The following NRG3 variants were observed in gnomAD, a reference collection of about 807,000 sequenced individuals.
NRG3 encodes pro-neuregulin-3, membrane-bound isoform.
NRG3 carries 31 observed loss-of-function variants against 66.9 expected under a neutral mutation model. That is an observed-to-expected ratio of 0.46 (90% CI 0.35 to 0.63). The LOEUF is 0.63. Ranked by LOEUF, NRG3 falls within the 20% of genes least tolerant of loss-of-function variation. The pLI, the probability that NRG3 is intolerant of heterozygous loss-of-function variation, is 0.00. For synonymous variants in NRG3, 393 were observed against 359.4 expected (o/e 1.09, Z -1.06); for missense variants, 910 against 878.9 (o/e 1.04, Z -0.45).
At chr10:82,030,625 A>G (rs1333546159) in intron 1 of NRG3, among the ~76,000 whole-genome samples, 1 of 151,874 alleles carries the variant, frequency 6.6e-6, no homozygotes, top group Non-Finnish European at 1.5e-5. Flanking sequence ...AATGGAGGAT[A>G]TGATCAAGAC....
chr10:82,479,867 C>T (rs1164922038), intron 2 of NRG3, among the ~76,000 whole-genome samples: 1 of 152,088 alleles, frequency 6.6e-6, no homozygotes, highest in East Asian at 1.9e-4. Context: ...ACTTGGAAGG[C>T]TGAGGCAGGA....
rs190346010 is a variant in NRG3 at position 82,514,005 on chromosome 10, C to T, written c.953+155137C>T. Among the ~76,000 whole-genome samples, 176 of 152,174 alleles carry T rather than the reference C, an allele frequency of 1.2e-3. 1 individual carries two copies. Among genetic ancestry groups the T allele is most frequent in the African/African-American group, 4.0e-3 (165 of 41,528 alleles). On this transcript the variant is annotated intron_variant, in intron 2 of 8. Transcript: ENST00000372141. Reference sequence around the variant, plus strand: ...TGTCTTCTTTTGAGAAGTGTCTGTTCATGTCCTTTGCCCACTTTTTAAATG... The same window carrying T: ...TGTCTTCTTTTGAGAAGTGTCTGTTTATGTCCTTTGCCCACTTTTTAAATG...
At chr10:81,973,590 G>C (rs1251663383) in intron 1 of NRG3, among the ~76,000 whole-genome samples, 1 of 151,972 alleles carries the variant, frequency 6.6e-6, no homozygotes, top group Non-Finnish European at 1.5e-5. Context: ...TGACTTTTTA[G>C]TAATAACCAT....
intron 2 of NRG3, among the ~76,000 whole-genome samples, chr10:82,467,500 T>C (rs1321283358): frequency 6.6e-6 from 1 of 152,160 alleles, no homozygotes; most frequent in African/African-American, 2.4e-5. Context: ...GAAGGAAGGA[T>C]TTTGAATCCT....
At chr10:82,093,117 T>C (rs1263439515) in intron 1 of NRG3, among the ~76,000 whole-genome samples, 3 of 152,184 alleles carry the variant, frequency 2.0e-5, no homozygotes, top group African/African-American at 7.2e-5. Context: ...CCAGGCAGCA[T>C]GCTTTACCTA....
chr10:81,964,649 C>G (rs1025849550), intron 1 of NRG3, among the ~76,000 whole-genome samples: 1 of 152,134 alleles, frequency 6.6e-6, no homozygotes, highest in Non-Finnish European at 1.5e-5. Context: ...AGACAGTGTG[C>G]ATGCCCTTAT....
At chr10:82,109,316 A>G (rs533128398) in intron 1 of NRG3, among the ~76,000 whole-genome samples, 1 of 152,288 alleles carries the variant, frequency 6.6e-6, no homozygotes, top group Admixed American at 6.5e-5. Context: ...AAACGGGACA[A>G]TCATCTGGAC....
chr10:82,617,975 A>G lies in NRG3; in HGVS notation c.954-120602A>G, dbSNP rs567111012. Among the ~76,000 whole-genome samples the G allele has an allele frequency of 2.0e-5, 3 of 152,238 alleles. No individual in the cohort carries two copies. In the East Asian group the frequency reaches 5.8e-4, roughly 29 times the overall value. On this transcript the variant is annotated intron_variant, in intron 2 of 8. Coordinates refer to ENST00000372141, the MANE Select transcript of NRG3 (RefSeq NM_001010848.4). ...TTCTCATGAACTCTGGTGAGGACCCATTTCCTGGCCTAGAAGTTCACCTGT... is the reference window on the plus strand; with the variant it reads ...TTCTCATGAACTCTGGTGAGGACCCGTTTCCTGGCCTAGAAGTTCACCTGT...
In NRG3 at chr10:82,979,073, A is replaced by C. The variant is rs1589234042; in HGVS notation, c.1536A>C (p.Gln512His). 1.2e-6 allele frequency: 2 copies of C among 1,613,910 alleles called. No individual in the cohort carries two copies. Among genetic ancestry groups the C allele is most frequent in the African/African-American group, 2.7e-5 (2 of 74,892 alleles). Residue 512 changes from glutamine to histidine, a missense_variant, in exon 8 of 9, where the codon CAA (glutamine) becomes CAC (histidine). Transcript: ENST00000372141. ...LGGIVGPAYQ[Q>H]LEESRIPDQD... ...GAATTGTGGGACCAGCATATCAGCA[A>C]CTCGAAGAATCAAGGATCCCAGACC...
intron 3 of NRG3, among the ~76,000 whole-genome samples, chr10:82,864,933 T>C (rs1840562490): frequency 6.6e-6 from 1 of 152,182 alleles, no homozygotes; most frequent in Admixed American, 6.5e-5. Context: ...CATTGCTTTT[T>C]TTGTGGAGGT....
chr10:82,342,050 T>C (rs3904729), intron 1 of NRG3, among the ~76,000 whole-genome samples: 22,322 of 151,668 alleles, frequency 0.15, 1,787 homozygotes, highest in East Asian at 0.3. Flanking sequence ...ATGGTATTTA[T>C]GGTATATGGT....
chr10:82,030,174 C>T (rs944404127), intron 1 of NRG3, among the ~76,000 whole-genome samples: 3 of 152,034 alleles, frequency 2.0e-5, no homozygotes, highest in Non-Finnish European at 4.4e-5. Flanking sequence ...AACAATGACA[C>T]CTTTGGGAGG....
chr10:82,348,214 C>G (rs1317879524), intron 1 of NRG3, among the ~76,000 whole-genome samples: 1 of 152,176 alleles, frequency 6.6e-6, no homozygotes, highest in Non-Finnish European at 1.5e-5. Flanking sequence ...ACCTGTTGTT[C>G]TTTTCCATGT....
intron 3 of NRG3, among the ~76,000 whole-genome samples, chr10:82,755,560 G>A (rs1435093061): frequency 6.6e-6 from 1 of 152,064 alleles, no homozygotes; most frequent in Non-Finnish European, 1.5e-5. Flanking sequence ...GCAGAATAAG[G>A]GAAGGGAAGA....
intron 2 of NRG3, among the ~76,000 whole-genome samples, chr10:82,542,376 C>A (rs926093132): frequency 6.6e-5 from 10 of 152,154 alleles, no homozygotes; most frequent in Non-Finnish European, 1.3e-4. Context: ...AGAGGAGAGT[C>A]AATTTATCAG....
chr10:82,348,554 G>T (rs967166777), intron 1 of NRG3, among the ~76,000 whole-genome samples: 1 of 147,344 alleles, frequency 6.8e-6, no homozygotes, highest in African/African-American at 2.6e-5. Context: ...TCTTGGAGTT[G>T]CTCTTCTCGA....
At chr10:82,585,698 C>A (rs1173391076) in intron 2 of NRG3, among the ~76,000 whole-genome samples, 1 of 152,194 alleles carries the variant, frequency 6.6e-6, no homozygotes, top group African/African-American at 2.4e-5. Context: ...CTCACCTACA[C>A]TCTCTAAGCC....
intron 2 of NRG3, among the ~76,000 whole-genome samples, chr10:82,591,422 G>A (rs1252140859): frequency 6.6e-6 from 1 of 152,126 alleles, no homozygotes; most frequent in Non-Finnish European, 1.5e-5. Context: ...AGTTTTAATG[G>A]CATCTAAACT....
chr10:82,048,322 A>G (rs943161364), intron 1 of NRG3, among the ~76,000 whole-genome samples: 3 of 151,666 alleles, frequency 2.0e-5, no homozygotes, highest in African/African-American at 7.3e-5. Flanking sequence ...CACCACACCT[A>G]TTCCAAAATT....
Sources: gnomAD v4.1 joint callset for allele counts (sites outside exome capture counted in the v4.1 genomes callset) on GRCh38, gnomAD v4.1.1 for gene constraint, MANE v1.5 for transcripts, NCBI Gene and HGNC (gene_info 2026-07-23, HGNC 2026-07-21) for gene names.